ERICH1: variants seen among roughly 807,000 people sequenced by gnomAD.
ERICH1 encodes glutamate rich 1.
Under a neutral mutation model 39.6 loss-of-function variants are expected in ERICH1, and 56 were observed. That is an observed-to-expected ratio of 1.41 (90% CI 1.14 to 1.77). ERICH1 has a LOEUF of 1.77. Ranked by LOEUF, ERICH1 falls within the 40% of genes most tolerant of loss-of-function variation. ERICH1 has a pLI of 0.00. For missense variants in ERICH1, 826 were observed against 575.4 expected, an observed-to-expected ratio of 1.44 and a Z score of -4.45; for synonymous variants, 313 against 223.6, an observed-to-expected ratio of 1.40 and a Z score of -3.57.
intron 2 of ERICH1, among the ~76,000 whole-genome samples, chr8:700,551 C>CGCGCACAGGCCCGCACAG (rs1563299877): frequency 3.5e-5 from 3 of 85,146 alleles, no homozygotes; most frequent in Non-Finnish European, 6.2e-5. Flanking sequence ...GGCCCGCACA[C>CGCGCACAGGCCCGCACAG]GCGCACAGGC....
intron 3 of ERICH1, among the ~76,000 whole-genome samples, chr8:619,350 T>C (rs1463035997): frequency 6.6e-6 from 1 of 152,230 alleles, no homozygotes; most frequent in Non-Finnish European, 1.5e-5. Flanking sequence ...TAGATAATTG[T>C]AAAAGACAGT....
chr8:632,688 A>G (rs549989585), intron 3 of ERICH1, among the ~76,000 whole-genome samples: 1 of 152,368 alleles, frequency 6.6e-6, no homozygotes, highest in South Asian at 2.1e-4. Flanking sequence ...AGCCACGGAC[A>G]CGCTCAGTCC....
intron 2 of ERICH1, 82 bp from the exon 3 acceptor site, chr8:692,694 G>A: frequency 7.2e-7 from 1 of 1,384,460 alleles, no homozygotes; most frequent in Non-Finnish European, 9.6e-7. Flanking sequence ...CATCGGCATT[G>A]TTTCTCTAAA....
rs772011533 is a variant in ERICH1 at position 668,665 on chromosome 8, G to A, written c.1191C>T (p.Leu397=). The A allele has an allele frequency of 2.0e-5, 33 of 1,614,038 alleles. No individual in the cohort carries two copies. The Admixed American group carries it at 5.5e-4, about 27-fold the overall frequency. The change falls in exon 5 of 6, where the codon CTC becomes CTT. Residue 397 remains leucine, a synonymous_variant. Transcript: ENST00000262109. ...GCTTCAATCTCTCAGTATCTTGCAG[G>A]AGCAGCAGCGTTTTCATGTGGTACA... is the stretch of plus-strand genomic sequence containing the variant. The part of the protein sequence containing the change: ...SILYHMKTLL[L]LQDTERLKHA...
Position 678,798 on chromosome 8 carries a change from A to G in ERICH1, c.305-4751T>C, listed in dbSNP as rs140805314. On this transcript the variant is annotated intron_variant, in intron 3 of 5. Coordinates refer to ENST00000262109, the MANE Select transcript of ERICH1 (RefSeq NM_207332.3). ...ACTCCAGCCTGGGTGACAGCGCGAG[A>G]CTCCATCTCAAAAGAAAAGAAAAAG... Among the ~76,000 whole-genome samples the G allele has an allele frequency of 1.0e-2, 1,514 of 152,148 alleles. 15 individuals carry two copies. The highest frequency in any genetic ancestry group is 0.015 in the Non-Finnish European group (1,034 of 68,002).
chr8:674,495 G>C (rs1163203177), intron 3 of ERICH1, among the ~76,000 whole-genome samples: 1 of 151,948 alleles, frequency 6.6e-6, no homozygotes, highest in Non-Finnish European at 1.5e-5. Context: ...GTAGAGACGG[G>C]GTTTCGCCAT....
chr8:622,991 C>G (rs1301797006), intron 3 of ERICH1, among the ~76,000 whole-genome samples: 1 of 101,068 alleles, frequency 9.9e-6, no homozygotes, highest in East Asian at 5.9e-4. Flanking sequence ...AATAAAACAT[C>G]AATACTAATC....
chr8:692,555 T>G lies in ERICH1; in HGVS notation c.227A>C (p.Glu76Ala), dbSNP rs371261259. The G allele has an allele frequency of 3.2e-5, 52 of 1,613,522 alleles. No homozygotes were observed. Among genetic ancestry groups the G allele is most frequent in the Non-Finnish European group, 4.3e-5 (51 of 1,179,810 alleles). The change falls in exon 3 of 6, where the codon GAG becomes GCG. Residue 76 changes from glutamate to alanine, a missense_variant. By Grantham distance (107) the Glu-to-Ala change is moderately radical. Transcript: ENST00000262109. ...CTCCGGCCAACAGGGGACGTAGCCC[T>G]CAGGAGGCCCGCTGGCAGTGTAGAG... Reference protein sequence around the residue: ...RRLYTASGPPEGYVPCWPEPS... With the variant: ...RRLYTASGPPAGYVPCWPEPS...
chr8:647,179 C>G lies in ERICH1; in HGVS notation c.976+21419G>C, dbSNP rs1453362847. 3.0e-5 allele frequency among the ~76,000 whole-genome samples: 2 copies of G among 66,910 alleles called. 1 individual carries two copies. The highest frequency in any genetic ancestry group is 9.1e-5 in the Non-Finnish European group (2 of 22,016). 43.9% of individuals were successfully genotyped at this position (66,910 alleles called of 152,430 possible). A position where few individuals can be genotyped will look rare whatever the true frequency, so the allele number is the denominator to read the frequency against. On this transcript the variant is annotated intron_variant, in intron 3 of 3. Coordinates refer to the ERICH1 transcript ENST00000522706. Reference sequence around the variant, plus strand: ...TGCTTTCAGAGACACGTGGGGTCATCGTAACAGTTTCTGGATCACAAGGGG... The same window carrying G: ...TGCTTTCAGAGACACGTGGGGTCATGGTAACAGTTTCTGGATCACAAGGGG...
rs1234522893 is a variant in ERICH1, at chr8:645,287, C to T, written c.976+23311G>A. On this transcript the variant is annotated intron_variant, in intron 3 of 3. Coordinates refer to the ERICH1 transcript ENST00000522706. ...GTCCCCCCCAGAAACATGAGGCCTG[C>T]GCCTGGGCCTTGTGGACTTTGCCCC... is the stretch of plus-strand genomic sequence containing the variant. Among the ~76,000 whole-genome samples the T allele has an allele frequency of 1.0e-4, 7 of 68,890 alleles. 1 individual carries two copies. Among genetic ancestry groups the T allele is most frequent in the African/African-American group, 2.6e-4 (7 of 27,330 alleles). The allele number at this position is 68,890 out of a possible 152,430, so 45.2% of individuals were successfully genotyped here.
chr8:665,592 C>T lies in ERICH1; in HGVS notation c.1259-916G>A, dbSNP rs144196156. On this transcript the variant is annotated intron_variant, in intron 5 of 5. Transcript: ENST00000262109. Reference sequence around the variant, plus strand: ...GGATGATAAAAATCTAATTCCCATACAGAGAATTAGAGGAGGTTGATGTTC... The same window carrying T: ...GGATGATAAAAATCTAATTCCCATATAGAGAATTAGAGGAGGTTGATGTTC... Among the ~76,000 whole-genome samples the T allele has an allele frequency of 3.5e-3, 538 of 152,338 alleles. 5 individuals are homozygous for T. Among genetic ancestry groups the T allele is most frequent in the African/African-American group, 0.012 (514 of 41,586 alleles).
Position 664,223 on chromosome 8 carries a change from A to T in ERICH1, c.*380T>A. On this transcript the variant is annotated 3_prime_UTR_variant, in exon 6 of 6. Coordinates refer to ENST00000262109, the MANE Select transcript of ERICH1 (RefSeq NM_207332.3). Reference sequence around the variant, plus strand: ...ACTACTTAAACTAGAACATTTTAATACCCAGAAAGCATTCTTAAAGCAGAG... The same window carrying T: ...ACTACTTAAACTAGAACATTTTAATTCCCAGAAAGCATTCTTAAAGCAGAG... 1.0e-6 allele frequency: 1 copy of T among 992,158 alleles called. No homozygotes were observed. Among genetic ancestry groups the T allele is most frequent in the Non-Finnish European group, 1.2e-6 (1 of 834,298 alleles). 61.5% of individuals were successfully genotyped at this position (992,158 alleles called of 1,614,324 possible). A position where few individuals can be genotyped will look rare whatever the true frequency, so the allele number is the denominator to read the frequency against.
chr8:731,106 G>C, intron 1 of ERICH1, 34 bp downstream of exon 1: 1 of 1,465,442 alleles, frequency 6.8e-7, no homozygotes, highest in Non-Finnish European at 9.0e-7. Flanking sequence ...CCGGGTCTGG[G>C]GTCTGGGCAG....
chr8:644,280 T>G (rs935203864), intron 3 of ERICH1, among the ~76,000 whole-genome samples: 15 of 152,330 alleles, frequency 9.8e-5, no homozygotes, highest in Non-Finnish European at 1.5e-4. Context: ...CTGCAGAGGG[T>G]GGCTCCTTCT....
At chr8:657,492 T>C (rs1351377403) in intron 3 of ERICH1, among the ~76,000 whole-genome samples, 1 of 151,752 alleles carries the variant, frequency 6.6e-6, no homozygotes. Flanking sequence ...TTAGGCAGTT[T>C]TGAATCAAGT....
At chr8:684,883 T>C (rs189755743) in intron 3 of ERICH1, among the ~76,000 whole-genome samples, 44 of 152,296 alleles carry the variant, frequency 2.9e-4, no homozygotes, top group African/African-American at 1.1e-3. Flanking sequence ...GATCACATGC[T>C]TCACGGGCAA....
chr8:621,424 A>G (rs1463927587), intron 3 of ERICH1, among the ~76,000 whole-genome samples: 1 of 152,140 alleles, frequency 6.6e-6, no homozygotes, highest in African/African-American at 2.4e-5. Flanking sequence ...TGATATAACC[A>G]TTTAACAAGG....
intron 3 of ERICH1, among the ~76,000 whole-genome samples, chr8:642,779 G>A (rs925899885): frequency 6.6e-6 from 1 of 152,156 alleles, no homozygotes; most frequent in East Asian, 1.9e-4. Context: ...CAGAGGGTCA[G>A]TGTGAGTGAG....
chr8:618,442 T>G (rs1797070866), intron 3 of ERICH1, among the ~76,000 whole-genome samples: 1 of 152,196 alleles, frequency 6.6e-6, no homozygotes. Flanking sequence ...CGGTGCTTGG[T>G]CTGTCCTCAC....
Sources: gnomAD v4.1 joint callset for allele counts (sites outside exome capture counted in the v4.1 genomes callset) on GRCh38, gnomAD v4.1.1 for gene constraint, MANE v1.5 for transcripts, NCBI Gene and HGNC (gene_info 2026-07-23, HGNC 2026-07-21) for gene names.